The following RBFOX1 variants were observed in gnomAD, a reference collection of about 807,000 sequenced individuals.
RBFOX1 encodes the protein RNA binding protein fox-1 homolog 1.
Under a neutral mutation model 57.7 loss-of-function variants are expected in RBFOX1, and 8 were observed. The ratio of observed to expected loss-of-function variants is 0.14; its 90% CI spans 0.08 to 0.25. The LOEUF (loss-of-function observed/expected upper bound fraction) is 0.25, where lower values mean the gene tolerates loss of function less well. Among genes scored for constraint, RBFOX1 ranks in the 10% least tolerant of loss-of-function variants. The pLI is 1.00. For missense variants in RBFOX1, 611 were observed against 548.5 expected (o/e 1.11, Z -1.14); for synonymous variants, 326 against 222.4 (o/e 1.47, Z -4.15).
In RBFOX1 at chr16:7,311,824, G is replaced by A. The variant is rs193042755; in HGVS notation, c.28-206323G>A. ...AAAAGTACAGGTTTTTTTGAAAAAC[G>A]ATAGTGTTTCTGAAGTTATATGTAG... On this transcript the variant is annotated intron_variant, in intron 4 of 15. Coordinates refer to ENST00000550418, the MANE Select transcript of RBFOX1 (RefSeq NM_018723.4). Among the ~76,000 whole-genome samples, 28 of 152,204 alleles carry A rather than the reference G, an allele frequency of 1.8e-4. No homozygotes were observed. The East Asian group carries it at 4.4e-3, about 24-fold the overall frequency.
At chr16:5,984,927 C>T (rs1292782370) in intron 4 of RBFOX1, among the ~76,000 whole-genome samples, 2 of 137,742 alleles carry the variant, frequency 1.5e-5, no homozygotes, top group Non-Finnish European at 3.1e-5. Context: ...AAATGGTACA[C>T]CTGTATAGGG....
intron 2 of RBFOX1, among the ~76,000 whole-genome samples, chr16:6,454,235 A>G (rs926601898): frequency 7.9e-5 from 12 of 152,214 alleles, no homozygotes; most frequent in African/African-American, 2.4e-4. Flanking sequence ...TGGGGCAAGT[A>G]TGCCATTCAG....
intron 3 of RBFOX1, among the ~76,000 whole-genome samples, chr16:5,702,123 T>G (rs1408100805): frequency 1.3e-5 from 2 of 152,174 alleles, no homozygotes; most frequent in Non-Finnish European, 2.9e-5. Flanking sequence ...ATTCTCACAC[T>G]GCTGTAAAGA....
intron 4 of RBFOX1, among the ~76,000 whole-genome samples, chr16:7,265,064 T>C (rs777256514): frequency 6.6e-6 from 1 of 152,242 alleles, no homozygotes; most frequent in Non-Finnish European, 1.5e-5. Context: ...GAAATGAGTA[T>C]AATAAGCTCC....
intron 2 of RBFOX1, among the ~76,000 whole-genome samples, chr16:6,511,351 T>C (rs950824897): frequency 1.3e-5 from 2 of 152,224 alleles, no homozygotes; most frequent in African/African-American, 2.4e-5. Context: ...TTTTTCTTAG[T>C]GTCTATCATG....
At chr16:7,302,427 C>A (rs1380378659) in intron 4 of RBFOX1, among the ~76,000 whole-genome samples, 2 of 152,032 alleles carry the variant, frequency 1.3e-5, no homozygotes, top group Non-Finnish European at 2.9e-5. Context: ...TCGGGGTGAG[C>A]CCTGAGGAGG....
At chr16:5,633,139 A>G (rs2048571844) in intron 3 of RBFOX1, among the ~76,000 whole-genome samples, 2 of 151,984 alleles carry the variant, frequency 1.3e-5, no homozygotes, top group Admixed American at 1.3e-4. Flanking sequence ...GAATTTCGCC[A>G]TATTGGCCAG....
At chr16:5,974,437 C>T (rs567127885) in intron 4 of RBFOX1, among the ~76,000 whole-genome samples, 22 of 149,954 alleles carry the variant, frequency 1.5e-4, no homozygotes, top group Non-Finnish European at 3.1e-4. Flanking sequence ...GGTGAAACCC[C>T]GTCCCTACTA....
At chr16:6,122,638 T>C (rs1331593457) in intron 1 of RBFOX1, among the ~76,000 whole-genome samples, 8 of 152,092 alleles carry the variant, frequency 5.3e-5, no homozygotes, top group Non-Finnish European at 1.2e-4. Context: ...TGACAGTGGG[T>C]GGCCAATGTG....
intron 4 of RBFOX1, among the ~76,000 whole-genome samples, chr16:7,376,833 T>C (rs1304646843): frequency 6.6e-6 from 1 of 152,162 alleles, no homozygotes; most frequent in Non-Finnish European, 1.5e-5. Context: ...TTCAGAGCTG[T>C]TAAAAGTCGT....
At chr16:5,934,729 C>T (rs879802967) in intron 4 of RBFOX1, among the ~76,000 whole-genome samples, 19 of 152,244 alleles carry the variant, frequency 1.2e-4, no homozygotes, top group East Asian at 3.9e-4. Flanking sequence ...ATAATTATTA[C>T]GTGTCATTTA....
intron 1 of RBFOX1, among the ~76,000 whole-genome samples, chr16:5,454,972 T>TTTCTTTCTTTCTTTCC: frequency 1.2e-5 from 1 of 85,070 alleles, no homozygotes; most frequent in Non-Finnish European, 2.5e-5. Context: ...TCTTTCTTTC[T>TTTCTTTCTTTCTTTCC]TTCTTTCTTT....
intron 4 of RBFOX1, among the ~76,000 whole-genome samples, chr16:5,875,218 A>G (rs2057573813): frequency 6.6e-6 from 1 of 152,224 alleles, no homozygotes; most frequent in Admixed American, 6.5e-5. Context: ...CTTTGAAATA[A>G]CTGTGAATGC....
intron 2 of RBFOX1, among the ~76,000 whole-genome samples, chr16:6,620,686 C>T (rs528258019): frequency 1.1e-4 from 16 of 152,050 alleles, no homozygotes; most frequent in Non-Finnish European, 1.9e-4. Flanking sequence ...CCCCTGGGCC[C>T]ACAGAAATAC....
intron 4 of RBFOX1, among the ~76,000 whole-genome samples, chr16:7,367,885 T>TACACACACACACAC (rs34277471): frequency 1.3e-5 from 2 of 148,334 alleles, no homozygotes; most frequent in African/African-American, 4.9e-5. Context: ...CATGCGTGCA[T>TACACACACACACAC]ACACACACAC....
At chr16:5,990,694 A>C (rs1443297543) in intron 4 of RBFOX1, among the ~76,000 whole-genome samples, 2 of 151,642 alleles carry the variant, frequency 1.3e-5, no homozygotes, top group African/African-American at 4.8e-5. Flanking sequence ...TGGGCCAGGC[A>C]CAGTGGCTCA....
At chr16:5,885,188 T>A (rs1392416418) in intron 4 of RBFOX1, among the ~76,000 whole-genome samples, 2 of 152,024 alleles carry the variant, frequency 1.3e-5, no homozygotes, top group East Asian at 3.9e-4. Flanking sequence ...AGGTTTCCTG[T>A]CAGGTTTCTC....
intron 4 of RBFOX1, among the ~76,000 whole-genome samples, chr16:7,315,601 T>G (rs1450558013): frequency 6.6e-6 from 1 of 151,960 alleles, no homozygotes; most frequent in Non-Finnish European, 1.5e-5. Context: ...CAAATATTCA[T>G]TGTGGAAGAT....
intron 1 of RBFOX1, among the ~76,000 whole-genome samples, chr16:6,122,465 CCTTTT>C (rs982774587): frequency 6.6e-6 from 1 of 152,008 alleles, no homozygotes; most frequent in African/African-American, 2.4e-5. Flanking sequence ...ATTCCCTAAT[CCTTTT>C]CTTTGCTATT....
Sources: allele counts gnomAD v4.1 joint callset (sites outside exome capture counted in the v4.1 genomes callset), GRCh38; gene constraint gnomAD v4.1.1; transcripts MANE v1.5; gene names NCBI Gene and HGNC (gene_info 2026-07-23, HGNC 2026-07-21).